The following TRDN variants were observed in gnomAD, a reference collection of about 807,000 sequenced individuals.
TRDN encodes triadin.
Under a neutral mutation model 149.7 loss-of-function variants are expected in TRDN, and 161 were observed. The observed-to-expected ratio is 1.08, with a 90% confidence interval of 0.95 to 1.23. The LOEUF is 1.23. TRDN is among the 50% of genes most tolerant of loss of function. The probability of loss-of-function intolerance (pLI) is 0.00; values close to 1 mark genes in which losing one functional copy is unlikely to be tolerated. For missense variants in TRDN, 896 were observed against 823.5 expected (o/e 1.09, Z -1.08); for synonymous variants, 294 against 250.5 (o/e 1.17, Z -1.64).
rs982119115 is a variant in TRDN, at chr6:123,299,345, T to C, written c.1510+17112A>G. ...TCAAGCATGGCCCTTAAAGGAACCA[T>C]TATTTGTCTCAGGTTTGCTATTTGT... On this transcript the variant is annotated intron_variant, in intron 24 of 40. Coordinates refer to ENST00000334268, the MANE Select transcript of TRDN (RefSeq NM_006073.4). Among the ~76,000 whole-genome samples the C allele has an allele frequency of 2.0e-5, 3 of 152,034 alleles. No individual in the cohort carries two copies. In the East Asian group the frequency reaches 5.8e-4, roughly 29 times the overall value.
At position 123,236,119 on chromosome 6, in the gene TRDN, G is replaced by T. The variant is rs60207322; in HGVS notation, c.1976-11988C>A. 5.9e-5 allele frequency among the ~76,000 whole-genome samples: 9 copies of T among 152,146 alleles called. No homozygotes were observed. The South Asian group carries it at 1.9e-3, about 32-fold the overall frequency. ...AGTGCCAGTACCATTTTGCCTTCCC[G>T]ACAGCAATGTATGAAAGTTCTGGTT... On this transcript the variant is annotated intron_variant, in intron 38 of 40. Coordinates refer to ENST00000334268, the MANE Select transcript of TRDN (RefSeq NM_006073.4).
intron 1 of TRDN, among the ~76,000 whole-genome samples, chr6:123,577,651 A>G (rs959649394): frequency 2.6e-5 from 4 of 152,162 alleles, no homozygotes; most frequent in Non-Finnish European, 4.4e-5. Flanking sequence ...TTCTCTAAGC[A>G]TAGACCCAGT....
intron 4 of TRDN, among the ~76,000 whole-genome samples, chr6:123,535,229 A>T (rs1255736178): frequency 1.3e-5 from 2 of 152,196 alleles, no homozygotes; most frequent in African/African-American, 2.4e-5. Context: ...AAATCCCTTT[A>T]TTCTACTGAG....
intron 2 of TRDN, 83 bp from the exon 3 acceptor site, chr6:123,548,695 G>C: frequency 8.7e-7 from 1 of 1,152,880 alleles, no homozygotes; most frequent in Non-Finnish European, 1.1e-6. Flanking sequence ...TTACTGATTT[G>C]TTGTTTTGAC....
chr6:123,580,131 A>C (rs1341514081), intron 1 of TRDN, among the ~76,000 whole-genome samples: 1 of 152,176 alleles, frequency 6.6e-6, no homozygotes. Context: ...CTGTGAATCT[A>C]TCTGGTCCCA....
At position 123,635,327 on chromosome 6, in the gene TRDN, C is replaced by CAT. The variant is rs1445266429; in HGVS notation, c.22+1426_22+1427insAT. Reference sequence around the variant, plus strand: ...ATATCCTCTCACAGAAAAGAAAACACACACACACACACACACACACACACA... The same window carrying CAT: ...ATATCCTCTCACAGAAAAGAAAACACATACACACACACACACACACACACACA... On this transcript the variant is annotated intron_variant, in intron 1 of 40. Transcript: ENST00000334268. 3.3e-5 allele frequency among the ~76,000 whole-genome samples: 5 copies of CAT among 150,582 alleles called. No individual in the cohort carries two copies. In the East Asian group the frequency reaches 9.7e-4, roughly 29 times the overall value.
At chr6:123,473,739 G>C (rs955947745) in intron 9 of TRDN, among the ~76,000 whole-genome samples, 1 of 151,722 alleles carries the variant, frequency 6.6e-6, no homozygotes, top group Non-Finnish European at 1.5e-5. Context: ...GACTAACAGC[G>C]GATCTCTCGG....
intron 24 of TRDN, 27 bp from the exon 25 acceptor site, chr6:123,279,109 A>T (rs1338332106): frequency 6.3e-7 from 1 of 1,581,476 alleles, no homozygotes; most frequent in Non-Finnish European, 8.6e-7. Flanking sequence ...AAATTATTAA[A>T]GGCTGAGTCA....
At chr6:123,574,241 T>A (rs961939617) in intron 1 of TRDN, among the ~76,000 whole-genome samples, 1 of 151,918 alleles carries the variant, frequency 6.6e-6, no homozygotes, top group Admixed American at 6.6e-5. Flanking sequence ...ACAACAAATC[T>A]CTTTTCGGAA....
intron 1 of TRDN, among the ~76,000 whole-genome samples, chr6:123,585,376 A>T (rs1783413094): frequency 6.6e-6 from 1 of 152,056 alleles, no homozygotes; most frequent in Non-Finnish European, 1.5e-5. Context: ...CTGGCCATCA[A>T]TACCCACAAC....
At chr6:123,388,132 A>C (rs1167221251) in intron 14 of TRDN, among the ~76,000 whole-genome samples, 1 of 152,032 alleles carries the variant, frequency 6.6e-6, no homozygotes, top group East Asian at 1.9e-4. Flanking sequence ...ACAGATAAAA[A>C]GCTTAAAGCT....
chr6:123,441,710 T>G (rs959184863), intron 10 of TRDN, among the ~76,000 whole-genome samples: 11 of 152,210 alleles, frequency 7.2e-5, no homozygotes. Flanking sequence ...TTATGCCATC[T>G]CAAAGCCAGA....
chr6:123,630,378 T>C (rs1312848602), intron 1 of TRDN, among the ~76,000 whole-genome samples: 2 of 152,020 alleles, frequency 1.3e-5, no homozygotes, highest in Admixed American at 6.6e-5. Flanking sequence ...CAAAGGTCAA[T>C]GTAGATGATT....
intron 12 of TRDN, among the ~76,000 whole-genome samples, chr6:123,434,724 A>C (rs1437850116): frequency 6.6e-6 from 1 of 152,122 alleles, no homozygotes; most frequent in Non-Finnish European, 1.5e-5. Context: ...TATTTCTTCA[A>C]GTAAAAATGT....
At chr6:123,519,311 C>A (rs1238103921) in intron 5 of TRDN, among the ~76,000 whole-genome samples, 2 of 149,834 alleles carry the variant, frequency 1.3e-5, no homozygotes, top group Non-Finnish European at 2.9e-5. Context: ...CCAGAACATT[C>A]AGCTCAACTG....
At chr6:123,528,389 A>G (rs1780055509) in intron 5 of TRDN, among the ~76,000 whole-genome samples, 1 of 151,698 alleles carries the variant, frequency 6.6e-6, no homozygotes, top group Admixed American at 6.6e-5. Flanking sequence ...CTTGAAGGGG[A>G]AAAAAACTAT....
At chr6:123,225,822 A>G (rs1192833681) in intron 38 of TRDN, among the ~76,000 whole-genome samples, 2 of 151,880 alleles carry the variant, frequency 1.3e-5, no homozygotes, top group East Asian at 3.9e-4. Context: ...CACATATTGG[A>G]ATAATGTGGA....
chr6:123,477,239 A>T (rs2114757828), intron 9 of TRDN, among the ~76,000 whole-genome samples: 2 of 128,558 alleles, frequency 1.6e-5, no homozygotes, highest in South Asian at 6.1e-4. Flanking sequence ...CCCATCAAAA[A>T]GTGGGCAAAG....
intron 1 of TRDN, among the ~76,000 whole-genome samples, chr6:123,582,106 G>A (rs1783148566): frequency 6.6e-6 from 1 of 152,138 alleles, no homozygotes. Context: ...AAAAGTTACA[G>A]GCAAAACCAA....
Sources: gnomAD v4.1 joint callset for allele counts (sites outside exome capture counted in the v4.1 genomes callset) on GRCh38, gnomAD v4.1.1 for gene constraint, MANE v1.5 for transcripts, NCBI Gene and HGNC (gene_info 2026-07-23, HGNC 2026-07-21) for gene names.